PPME1: variants seen among roughly 807,000 people sequenced by gnomAD.
The protein encoded by PPME1 is protein phosphatase methylesterase 1.
PPME1 carries 17 observed loss-of-function variants against 56.9 expected under a neutral mutation model. That is an observed-to-expected ratio of 0.30 (90% CI 0.20 to 0.45). PPME1 has a LOEUF of 0.45. Ranked by LOEUF, PPME1 falls within the 20% of genes least tolerant of loss-of-function variation. The pLI is 1.00. For synonymous variants in PPME1, 122 were observed against 156.2 expected, an observed-to-expected ratio of 0.78 and a Z score of 1.63; for missense variants, 357 against 483.2, an observed-to-expected ratio of 0.74 and a Z score of 2.45.
chr11:74,207,783 C>A (rs983734914), intron 3 of PPME1, among the ~76,000 whole-genome samples: 1 of 152,164 alleles, frequency 6.6e-6, no homozygotes. Flanking sequence ...ACAGTGGGAT[C>A]TCATTAGCAC....
chr11:74,250,902 A>T (rs1859641044), intron 11 of PPME1, 52 bp from the exon 12 acceptor site: 1 of 1,475,516 alleles, frequency 6.8e-7, no homozygotes, highest in Non-Finnish European at 9.3e-7. Flanking sequence ...GAGGCTGCAT[A>T]AGAGAGGGCT....
intron 13 of PPME1, 37 bp from the exon 14 acceptor site, chr11:74,253,455 T>A (rs185000095): frequency 6.3e-7 from 1 of 1,588,210 alleles, no homozygotes; most frequent in Admixed American, 1.7e-5. Flanking sequence ...TATTGATAGT[T>A]ACATTTGTTT....
chr11:74,253,652 C>T lies in PPME1; in HGVS notation c.*142C>T. On this transcript the variant is annotated 3_prime_UTR_variant, in exon 14 of 14. Transcript: ENST00000328257. ...CGGTAGACGGGCACCCCGAGATGTA[C>T]CAACCTTTTCATGTATTCTGCCAAA... The T allele has an allele frequency of 1.1e-6, 1 of 891,406 alleles. No homozygotes were observed. The highest frequency in any genetic ancestry group is 1.4e-5 in the South Asian group (1 of 69,966). 55.2% of individuals were successfully genotyped at this position (891,406 alleles called of 1,614,324 possible).
intron 7 of PPME1, among the ~76,000 whole-genome samples, chr11:74,233,075 G>C (rs919420387): frequency 1.1e-4 from 17 of 151,868 alleles, no homozygotes; most frequent in Admixed American, 9.2e-4. Flanking sequence ...GTCAGTACCT[G>C]ATCTAAGAAC....
At chr11:74,234,720 A>G (rs1859149984) in intron 7 of PPME1, among the ~76,000 whole-genome samples, 1 of 152,088 alleles carries the variant, frequency 6.6e-6, no homozygotes, top group African/African-American at 2.4e-5. Flanking sequence ...AAGCAAGATA[A>G]CTCTTTTGAG....
intron 11 of PPME1, chr11:74,250,379 C>T (rs1366801804): frequency 2.6e-5 from 4 of 153,030 alleles, no homozygotes; most frequent in Non-Finnish European, 4.4e-5. Flanking sequence ...CTTAAGTGCT[C>T]AGATGGTAAC....
At chr11:74,217,717 T>C (rs964577658) in intron 3 of PPME1, among the ~76,000 whole-genome samples, 1 of 151,142 alleles carries the variant, frequency 6.6e-6, no homozygotes, top group African/African-American at 2.4e-5. Context: ...AAGCATTTGA[T>C]AAAATTCAAC....
intron 3 of PPME1, among the ~76,000 whole-genome samples, chr11:74,214,004 T>G (rs1477208617): frequency 1.3e-5 from 2 of 152,174 alleles, no homozygotes; most frequent in African/African-American, 4.8e-5. Flanking sequence ...AAGGCACCAG[T>G]GACCAATCCC....
rs906001677 is a variant in PPME1, at chr11:74,211,115, G to A, written c.288+6670G>A. Among the ~76,000 whole-genome samples, 8 of 152,112 alleles carry A rather than the reference G, an allele frequency of 5.3e-5. No individual in the cohort carries two copies. In the East Asian group the frequency reaches 5.8e-4, roughly 11 times the overall value. On this transcript the variant is annotated intron_variant, in intron 3 of 13. Transcript: ENST00000328257. ...ATAAAAGCAACAAAATGTAAAATACGTGGGAATAGACCTTATTTTTTAAAT... is the reference window on the plus strand; with the variant it reads ...ATAAAAGCAACAAAATGTAAAATACATGGGAATAGACCTTATTTTTTAAAT...
At chr11:74,171,804 A>C (rs973188049) in intron 1 of PPME1, among the ~76,000 whole-genome samples, 4 of 152,164 alleles carry the variant, frequency 2.6e-5, no homozygotes, top group African/African-American at 9.7e-5. Flanking sequence ...TCACTTCCAC[A>C]ATAAAGGAGG....
chr11:74,198,218 A>G (rs1591028546), intron 1 of PPME1, among the ~76,000 whole-genome samples: 1 of 152,120 alleles, frequency 6.6e-6, no homozygotes, highest in South Asian at 2.1e-4. Flanking sequence ...AACATTCCCA[A>G]GATTTGTTCA....
At chr11:74,216,011 T>C (rs1255449903) in intron 3 of PPME1, among the ~76,000 whole-genome samples, 3 of 152,192 alleles carry the variant, frequency 2.0e-5, no homozygotes, top group Admixed American at 6.5e-5. Flanking sequence ...AAGCAAATAT[T>C]ATTAGAGCTG....
chr11:74,225,240 GC>G lies in PPME1; in HGVS notation c.383del (p.Ala128GlufsTer25). Reference sequence around the variant, plus strand: ...GGTCAAGAATCCTGAAGATCTGTCTGCAGAAACAATGGCAAAGTAAGTAACC... The same window carrying G: ...GGTCAAGAATCCTGAAGATCTGTCTGAGAAACAATGGCAAAGTAAGTAACC... ...TKVKNPEDLS[A>X]ETMAKDVGNV... On this transcript the variant is annotated frameshift_variant, in exon 5 of 14. Coordinates refer to ENST00000328257, the MANE Select transcript of PPME1 (RefSeq NM_016147.3). LOFTEE classifies it high-confidence loss of function. 1 of 1,570,850 alleles carries G rather than the reference GC, an allele frequency of 6.4e-7. No individual in the cohort carries two copies. Among genetic ancestry groups the G allele is most frequent in the Non-Finnish European group, 8.7e-7 (1 of 1,155,360 alleles).
chr11:74,200,602 C>T (rs1466589162), intron 1 of PPME1, among the ~76,000 whole-genome samples: 2 of 152,022 alleles, frequency 1.3e-5, no homozygotes, highest in African/African-American at 4.8e-5. Flanking sequence ...AGGCTGGTCT[C>T]GAACTCCTGA....
rs1387488931 is a variant in PPME1 at position 74,230,199 on chromosome 11, G to A, written c.399-46G>A. 1.1e-5 allele frequency: 17 copies of A among 1,564,124 alleles called. No homozygotes were observed. Among genetic ancestry groups the A allele is most frequent in the Non-Finnish European group, 1.5e-5 (17 of 1,156,852 alleles). On this transcript the variant is annotated intron_variant, in intron 5 of 13. Transcript: ENST00000328257. The surrounding 1 kb of genome is among the most constrained non-coding windows in gnomAD (Gnocchi z 4.9). ...ACTGGGAAAGAAAACCATTTTTACA[G>A]TGTTGTCAGAAAGCATTCTTAGATC...
At chr11:74,203,648 T>TA in intron 1 of PPME1, 80 bp from the exon 2 acceptor site, 1 of 1,014,350 alleles carries the variant, frequency 9.9e-7, no homozygotes, top group Non-Finnish European at 1.5e-6. Context: ...ATTACTGACT[T>TA]ACATTTAGCA....
At chr11:74,208,523 C>T (rs1858390064) in intron 3 of PPME1, among the ~76,000 whole-genome samples, 1 of 152,082 alleles carries the variant, frequency 6.6e-6, no homozygotes, top group African/African-American at 2.4e-5. Context: ...AAAAATACAG[C>T]AAACATTTTA....
chr11:74,180,442 A>T (rs1327610641), intron 1 of PPME1, among the ~76,000 whole-genome samples: 1 of 152,182 alleles, frequency 6.6e-6, no homozygotes, highest in Non-Finnish European at 1.5e-5. Context: ...TTATTTCCCC[A>T]TCAGTTCCCT....
rs192487999 is a variant in PPME1 at position 74,171,389 on chromosome 11, A to G, written c.-33A>G. ...CTCAACGTGGGACGAAGCTTCGCCT[A>G]CTGTTTGACTACGTGCGTGCAGCCT... On this transcript the variant is annotated 5_prime_UTR_variant, in exon 1 of 14. Coordinates refer to ENST00000328257, the MANE Select transcript of PPME1 (RefSeq NM_016147.3). 2.5e-4 allele frequency: 403 copies of G among 1,591,724 alleles called. 2 individuals are homozygous for G. The African/African-American group carries it at 3.3e-3, about 13-fold the overall frequency.
Sources: gnomAD v4.1 joint callset for allele counts (sites outside exome capture counted in the v4.1 genomes callset) on GRCh38, gnomAD v4.1.1 for gene constraint, Gnocchi (gnomAD v3.1) non-coding constraint, MANE v1.5 for transcripts, NCBI Gene and HGNC (gene_info 2026-07-23, HGNC 2026-07-21) for gene names.